Variants in EBNA1BP2 observed in about 807,000 individuals in gnomAD.
The protein encoded by EBNA1BP2 is EBNA1 binding protein 2, also known as probable rRNA-processing protein EBP2.
In EBNA1BP2, 36 loss-of-function variants were observed where a neutral mutation model predicts 43.5. That is an observed-to-expected ratio of 0.83 (90% CI 0.63 to 1.09). The LOEUF (loss-of-function observed/expected upper bound fraction) is 1.09, where lower values mean the gene tolerates loss of function less well. Among genes scored for constraint, EBNA1BP2 ranks in the 50% least tolerant of loss-of-function variants. EBNA1BP2 has a pLI of 0.00. For synonymous variants in EBNA1BP2, 127 were observed against 141.3 expected (o/e 0.90, Z 0.72); for missense variants, 332 against 379.1 (o/e 0.88, Z 1.03).
In EBNA1BP2 at chr1:43,172,245, C is replaced by A. The variant is rs575870201; in HGVS notation, c.-127G>T. 3 of 1,561,484 alleles carry A rather than the reference C, an allele frequency of 1.9e-6. No homozygotes were observed. The highest frequency in any genetic ancestry group is 1.7e-6 in the Non-Finnish European group (2 of 1,151,944). On this transcript the variant is annotated 5_prime_UTR_variant, in exon 1 of 9. Transcript: ENST00000236051. ...CCCCTACTCCCACGCCGTGGCTCCA[C>A]GTGCCACCGAATCGCTCCAGCGCCA... is the stretch of plus-strand genomic sequence containing the variant.
upstream of EBNA1BP2, chr1:43,172,563 G>GGGGGAGGGGAAC: frequency 1.3e-6 from 1 of 769,794 alleles, no homozygotes; most frequent in Non-Finnish European, 2.0e-6. Flanking sequence ...GGAGGACCCC[G>GGGGGAGGGGAAC]GGGGAGGGGA....
chr1:43,168,833 G>T, intron 5 of EBNA1BP2, 106 bp downstream of exon 5: 3 of 1,122,128 alleles, frequency 2.7e-6, no homozygotes, highest in East Asian at 2.4e-5. Flanking sequence ...GTAAATACAT[G>T]ATCAACACAC....
chr1:43,171,068 TA>T, intron 3 of EBNA1BP2, 189 bp from the exon 4 acceptor site: 1 of 793,812 alleles, frequency 1.3e-6, no homozygotes, highest in Non-Finnish European at 1.8e-6. Flanking sequence ...TACTAGTTTT[TA>T]AAAAGGGGAG....
intron 2 of EBNA1BP2, 56 bp downstream of exon 2, chr1:43,171,830 C>A: frequency 6.2e-7 from 1 of 1,601,370 alleles, no homozygotes; most frequent in Non-Finnish European, 8.5e-7. Flanking sequence ...CCAAGCCCAA[C>A]AGCGCCTGAA....
rs770578885 is a variant in EBNA1BP2, at chr1:43,164,777, G to C, written c.736C>G (p.Gln246Glu). ...GPSAKRRYKN[Q>E]KFGFGGKKKG... Reference sequence around the variant, plus strand: ...TTCTTTCCACCAAAACCAAACTTCTGGTTTTTATACCGTCGTTTAGCACTG... The same window carrying C: ...TTCTTTCCACCAAAACCAAACTTCTCGTTTTTATACCGTCGTTTAGCACTG... The change falls in exon 8 of 9, where the codon CAG becomes GAG. Residue 246 changes from glutamine to glutamate, a missense_variant. Coordinates refer to ENST00000236051, the MANE Select transcript of EBNA1BP2 (RefSeq NM_006824.3). 6.2e-7 allele frequency: 1 copy of C among 1,614,174 alleles called. No individual in the cohort carries two copies. The highest frequency in any genetic ancestry group is 1.7e-5 in the Admixed American group (1 of 60,026).
chr1:43,172,296 T>A (rs933511640), upstream of EBNA1BP2: 6 of 1,551,918 alleles, frequency 3.9e-6, no homozygotes, highest in Non-Finnish European at 5.2e-6. Context: ...TGCTCAACTT[T>A]TGATTGGGAC....
chr1:43,167,708 C>G (rs1388007188), intron 5 of EBNA1BP2, among the ~76,000 whole-genome samples: 1 of 152,094 alleles, frequency 6.6e-6, no homozygotes, highest in African/African-American at 2.4e-5. Context: ...AAAACAATGT[C>G]CCCAGGTAAA....
At chr1:43,166,685 A>AG in intron 7 of EBNA1BP2, 141 bp downstream of exon 7, 1 of 789,022 alleles carries the variant, frequency 1.3e-6, no homozygotes, top group Non-Finnish European at 2.0e-6. Context: ...ACACAGTCAT[A>AG]GGGGTCCTGG....
chr1:43,172,470 G>T, upstream of EBNA1BP2: 1 of 1,542,332 alleles, frequency 6.5e-7, no homozygotes. Context: ...GGGGGTACCT[G>T]GGGGTCGCCA....
intron 4 of EBNA1BP2, among the ~76,000 whole-genome samples, chr1:43,170,495 G>A (rs1348836081): frequency 6.6e-6 from 1 of 152,056 alleles, no homozygotes; most frequent in Non-Finnish European, 1.5e-5. Context: ...AAATGCACTG[G>A]GCCATCTTCA....
At chr1:43,169,134 A>G in intron 4 of EBNA1BP2, 106 bp from the exon 5 acceptor site, 1 of 1,214,056 alleles carries the variant, frequency 8.2e-7, no homozygotes, top group Non-Finnish European at 1.2e-6. Flanking sequence ...TAAACTGCGG[A>G]ACTTATAAAT....
rs772522359 is a variant in EBNA1BP2, at chr1:43,166,924, A to T, written c.614-5T>A. ...AATCCAGTTTATCAGAGAAGCCTGT[A>T]AGTGAAGAAGTAGTTTTGATCAGCA... On this transcript the variant is annotated splice_polypyrimidine_tract_variant and splice_region_variant and intron_variant, in intron 6 of 8. Coordinates refer to ENST00000236051, the MANE Select transcript of EBNA1BP2 (RefSeq NM_006824.3). 1 of 1,611,584 alleles carries T rather than the reference A, an allele frequency of 6.2e-7. No individual in the cohort carries two copies. Among genetic ancestry groups the T allele is most frequent in the African/African-American group, 1.3e-5 (1 of 74,770 alleles).
Position 43,164,470 on chromosome 1 carries a change from T to G in EBNA1BP2, c.894A>C (p.Arg298Ser). 1 of 1,614,214 alleles carries G rather than the reference T, an allele frequency of 6.2e-7. No homozygotes were observed. Among genetic ancestry groups the G allele is most frequent in the Non-Finnish European group, 8.5e-7 (1 of 1,180,032 alleles). ...AGTGTGTTCTGTTCTTCATCTTCTC[T>G]CTTGTTCGTTTTCCAGGTCTCTTCT... is the stretch of plus-strand genomic sequence containing the variant. ...GSNKRPGKRT[R>S]EKMKNRTH The change falls in exon 9 of 9, where the codon AGA (arginine) becomes AGC (serine). Residue 298 changes from arginine (R) to serine (S), a missense_variant. By Grantham distance (110) the Arg-to-Ser change is moderately radical. This residue lies in a region of EBNA1BP2 where 59 missense variants were observed against 53.3 expected (regional missense o/e 1.11). Transcript: ENST00000236051.
intron 3 of EBNA1BP2, chr1:43,171,116 C>G (rs1644962637): frequency 1.9e-6 from 1 of 524,150 alleles, no homozygotes; most frequent in Admixed American, 4.3e-5. Context: ...AATGACTACT[C>G]TAAAGGTACC....
At chr1:43,168,197 T>C (rs1265241305) in intron 5 of EBNA1BP2, among the ~76,000 whole-genome samples, 1 of 152,228 alleles carries the variant, frequency 6.6e-6, no homozygotes, top group Non-Finnish European at 1.5e-5. Flanking sequence ...TTGCTGAGAA[T>C]GTATCAGTGA....
At chr1:43,170,653 C>T in intron 4 of EBNA1BP2, 103 bp downstream of exon 4, 1 of 1,498,120 alleles carries the variant, frequency 6.7e-7, no homozygotes, top group Non-Finnish European at 8.9e-7. Context: ...TGTCCTCTGA[C>T]AACTGGCTCC....
rs1349460576 is a variant in EBNA1BP2 at position 43,171,257 on chromosome 1, CATGA to C, written c.323+218_323+221del. On this transcript the variant is annotated intron_variant, in intron 3 of 8. Transcript: ENST00000236051. ...CTGAAGCATGCACAAAAAGTTTTAA[CATGA>C]ATATTTCAAATTAGCCCATAAAGTG... 7.0e-6 allele frequency: 4 copies of C among 575,138 alleles called. No homozygotes were observed. In the African/African-American group the frequency reaches 7.8e-5, roughly 11 times the overall value. The allele number at this position is 575,138 out of a possible 1,614,324, so 35.6% of individuals were successfully genotyped here.
Position 43,166,829 on chromosome 1 carries a change from T to C in EBNA1BP2, c.704A>G (p.Lys235Arg). Residue 235 changes from lysine (K) to arginine (R), a missense_variant, in exon 7 of 9, where the codon AAG (lysine) becomes AGG (arginine). Coordinates refer to ENST00000236051, the MANE Select transcript of EBNA1BP2 (RefSeq NM_006824.3). Reference sequence around the variant, plus strand: ...ACCATGCCAAAACCCTTCTCACCCCTTCCTCATCTGCTGGCCTTTGGCTCC... The same window carrying C: ...ACCATGCCAAAACCCTTCTCACCCCCTCCTCATCTGCTGGCCTTTGGCTCC... ...KAGAKGQQMRKGPSAKRRYKN... is the reference protein window; with the variant it reads ...KAGAKGQQMRRGPSAKRRYKN... 1 of 1,610,788 alleles carries C rather than the reference T, an allele frequency of 6.2e-7. No individual in the cohort carries two copies. The highest frequency in any genetic ancestry group is 8.5e-7 in the Non-Finnish European group (1 of 1,179,168).
At chr1:43,172,515 A>C (rs942144127), upstream of EBNA1BP2, 2 of 1,329,414 alleles carry the variant, frequency 1.5e-6, no homozygotes, top group African/African-American at 3.3e-5. Context: ...ACAAAGGAAA[A>C]GGCAGAAAAA....
Sources: gnomAD v4.1 joint callset for allele counts (sites outside exome capture counted in the v4.1 genomes callset) on GRCh38, gnomAD v4.1.1 for gene constraint, gnomAD v4.1.1 regional missense constraint, MANE v1.5 for transcripts, NCBI Gene and HGNC (gene_info 2026-07-23, HGNC 2026-07-21) for gene names.